Variants in ANKIB1 observed in about 807,000 individuals in gnomAD.
The protein encoded by ANKIB1 is ankyrin repeat and IBR domain containing 1.
In ANKIB1, 43 loss-of-function variants were observed where a neutral mutation model predicts 122.1. That is an observed-to-expected ratio of 0.35 (90% confidence interval 0.28 to 0.45). The LOEUF is 0.45. Among genes scored for constraint, ANKIB1 ranks in the 20% least tolerant of loss-of-function variants. The pLI is 1.00. For synonymous variants in ANKIB1, 390 were observed against 442.0 expected, an observed-to-expected ratio of 0.88 and a Z score of 1.48; for missense variants, 992 against 1,329.5, an observed-to-expected ratio of 0.75 and a Z score of 3.95.
Position 92,246,163 on chromosome 7 carries a change from A to C in ANKIB1, c.-447A>C. The C allele has an allele frequency of 6.0e-6, 2 of 332,226 alleles. No homozygotes were observed. The highest frequency in any genetic ancestry group is 1.1e-5 in the Non-Finnish European group (2 of 175,866). 20.6% of individuals were successfully genotyped at this position (332,226 alleles called of 1,614,324 possible). ...GGCTGCGAGCGCGCAAGGCTGGAAC[A>C]TGAGCCGGGCTTGACCGCGAGGCGG... On this transcript the variant is annotated 5_prime_UTR_variant, in exon 1 of 20. It removes an upstream start codon present in the reference 5' UTR. Transcript: ENST00000265742.
At chr7:92,340,109 A>G (rs1803404790) in intron 5 of ANKIB1, among the ~76,000 whole-genome samples, 1 of 152,024 alleles carries the variant, frequency 6.6e-6, no homozygotes, top group Non-Finnish European at 1.5e-5. Context: ...TTTTTTTTAA[A>G]TGATGGCTTT....
At chr7:92,331,722 G>A (rs952925584) in intron 5 of ANKIB1, among the ~76,000 whole-genome samples, 10 of 152,120 alleles carry the variant, frequency 6.6e-5, no homozygotes, top group Non-Finnish European at 1.2e-4. Flanking sequence ...ACTCCTGTAC[G>A]TATTTCATTC....
chr7:92,368,735 T>A (rs1275854882), intron 10 of ANKIB1, among the ~76,000 whole-genome samples: 13 of 150,852 alleles, frequency 8.6e-5, no homozygotes, highest in South Asian at 2.1e-4. Context: ...AAAAAAAAAA[T>A]GTATGTATAA....
intron 1 of ANKIB1, among the ~76,000 whole-genome samples, chr7:92,269,645 G>A (rs555044659): frequency 2.6e-5 from 4 of 152,092 alleles, no homozygotes; most frequent in African/African-American, 4.8e-5. Flanking sequence ...TAAGCCTATG[G>A]TAACTTGATT....
At chr7:92,332,769 C>T (rs989581094) in intron 5 of ANKIB1, among the ~76,000 whole-genome samples, 2 of 152,140 alleles carry the variant, frequency 1.3e-5, no homozygotes, top group African/African-American at 4.8e-5. Context: ...GGAAATGTTA[C>T]CTTCTCCCAA....
intron 10 of ANKIB1, among the ~76,000 whole-genome samples, chr7:92,367,078 A>G (rs1804103278): frequency 6.6e-6 from 1 of 152,180 alleles, no homozygotes; most frequent in Admixed American, 6.5e-5. Context: ...AAGCTAGAAA[A>G]TGGTATAGAT....
At chr7:92,332,625 C>T (rs899051721) in intron 5 of ANKIB1, among the ~76,000 whole-genome samples, 1 of 152,102 alleles carries the variant, frequency 6.6e-6, no homozygotes, top group Non-Finnish European at 1.5e-5. Flanking sequence ...AAATATGTGA[C>T]AGGCTAATTT....
intron 3 of ANKIB1, among the ~76,000 whole-genome samples, chr7:92,310,956 G>C (rs1371601393): frequency 6.6e-6 from 1 of 152,156 alleles, no homozygotes; most frequent in Non-Finnish European, 1.5e-5. Flanking sequence ...TTCTTAGTAT[G>C]AGTCTCTAGT....
intron 5 of ANKIB1, among the ~76,000 whole-genome samples, chr7:92,337,877 G>T (rs377438219): frequency 6.6e-6 from 1 of 152,080 alleles, no homozygotes; most frequent in Non-Finnish European, 1.5e-5. Context: ...CTTGATAAAG[G>T]CAAGTTCATT....
chr7:92,296,056 C>T (rs552862090), intron 2 of ANKIB1, among the ~76,000 whole-genome samples: 1 of 152,220 alleles, frequency 6.6e-6, no homozygotes, highest in East Asian at 1.9e-4. Flanking sequence ...ACTTAACGTT[C>T]AGCCTTTTTC....
intron 1 of ANKIB1, among the ~76,000 whole-genome samples, chr7:92,251,375 A>G (rs1004092311): frequency 2.6e-5 from 4 of 152,242 alleles, no homozygotes; most frequent in African/African-American, 9.6e-5. Context: ...GGTAAAGGAA[A>G]GTATGTAAAT....
At chr7:92,372,121 C>T (rs1461474137) in intron 11 of ANKIB1, among the ~76,000 whole-genome samples, 1 of 152,064 alleles carries the variant, frequency 6.6e-6, no homozygotes. Context: ...AGTCCATATA[C>T]TGTCTCCATA....
At chr7:92,352,916 G>A (rs1370569403) in intron 9 of ANKIB1, among the ~76,000 whole-genome samples, 1 of 152,134 alleles carries the variant, frequency 6.6e-6, no homozygotes, top group African/African-American at 2.4e-5. Context: ...ACAAACTCAG[G>A]CACAGAGAAG....
chr7:92,380,130 A>C (rs952800828), intron 11 of ANKIB1, among the ~76,000 whole-genome samples: 2 of 152,084 alleles, frequency 1.3e-5, no homozygotes, highest in Non-Finnish European at 1.5e-5. Context: ...ACACCCACAG[A>C]GCCTTGCTCA....
chr7:92,270,211 T>C (rs1562766454), intron 1 of ANKIB1, among the ~76,000 whole-genome samples: 1 of 152,108 alleles, frequency 6.6e-6, no homozygotes, highest in Non-Finnish European at 1.5e-5. Context: ...TGTAGGCGCA[T>C]GCCACCATGC....
intron 9 of ANKIB1, among the ~76,000 whole-genome samples, chr7:92,360,450 GTT>G (rs1359396274): frequency 6.6e-6 from 1 of 152,118 alleles, no homozygotes; most frequent in Non-Finnish European, 1.5e-5. Context: ...GTGTGTGTGT[GTT>G]TGTGTGTGTG....
intron 4 of ANKIB1, among the ~76,000 whole-genome samples, chr7:92,321,654 G>T (rs949302848): frequency 1.3e-5 from 2 of 152,094 alleles, no homozygotes; most frequent in African/African-American, 4.8e-5. Context: ...ATTCTAAAAG[G>T]TATTATGTAA....
At chr7:92,306,612 A>G (rs1043352128) in intron 2 of ANKIB1, among the ~76,000 whole-genome samples, 1 of 152,110 alleles carries the variant, frequency 6.6e-6, no homozygotes. Flanking sequence ...GTGAGAGAAC[A>G]CAAGAAGGCC....
rs569795054 is a variant in ANKIB1, at chr7:92,259,764, G to A, written c.-91+13245G>A. Among the ~76,000 whole-genome samples, 195 of 152,118 alleles carry A rather than the reference G, an allele frequency of 1.3e-3. 1 individual carries two copies. Among genetic ancestry groups the A allele is most frequent in the Non-Finnish European group, 1.2e-3 (83 of 67,970 alleles). ...CTCACATGCCCAAACCTCACCTCCC[G>A]CAGTCTTCCTCTCTCAGTAGTGGTA... is the stretch of plus-strand genomic sequence containing the variant. On this transcript the variant is annotated intron_variant, in intron 1 of 19. Coordinates refer to ENST00000265742, the MANE Select transcript of ANKIB1 (RefSeq NM_019004.2).
Sources: allele counts gnomAD v4.1 joint callset (sites outside exome capture counted in the v4.1 genomes callset), GRCh38; gene constraint gnomAD v4.1.1; transcripts MANE v1.5; gene names NCBI Gene and HGNC (gene_info 2026-07-23, HGNC 2026-07-21).